Variants in ABAT observed in about 807,000 individuals in gnomAD.
The protein encoded by ABAT is 4-aminobutyrate aminotransferase.
Under a neutral mutation model 64.6 loss-of-function variants are expected in ABAT, and 45 were observed. That is an observed-to-expected ratio of 0.70 (90% confidence interval 0.55 to 0.89). The LOEUF is 0.89. Among genes scored for constraint, ABAT ranks in the 40% least tolerant of loss-of-function variants. The pLI is 0.00. For missense variants in ABAT, 633 were observed against 658.4 expected, an observed-to-expected ratio of 0.96 and a Z score of 0.42; for synonymous variants, 297 against 250.5, an observed-to-expected ratio of 1.19 and a Z score of -1.75.
At chr16:8,735,393 A>G (rs1443852174) in intron 1 of ABAT, among the ~76,000 whole-genome samples, 7 of 151,942 alleles carry the variant, frequency 4.6e-5, no homozygotes, top group Non-Finnish European at 1.0e-4. Flanking sequence ...CTGGGACTAT[A>G]GGCAGGCACC....
Position 8,738,598 on chromosome 16 carries a change from T to TTTTTTG in ABAT, c.70+2819_70+2824dup, listed in dbSNP as rs757851425. 191 of 377,716 alleles carry TTTTTTG rather than the reference T, an allele frequency of 5.1e-4. 11 individuals carry two copies. The highest frequency in any genetic ancestry group is 2.7e-3 in the African/African-American group (123 of 45,126). 23.4% of individuals were successfully genotyped at this position (377,716 alleles called of 1,614,324 possible). ...TTGAGGTTTTGCTTTTCCTTTTTTC[T>TTTTTTG]TTTTTGTTTTTGTTTTTGTTTTTGT... On this transcript the variant is annotated intron_variant, in intron 2 of 15. Transcript: ENST00000268251.
In ABAT at chr16:8,781,176, C is replaced by A; in HGVS notation, c.1382-133C>A. 1 of 1,453,068 alleles carries A rather than the reference C, an allele frequency of 6.9e-7. No individual in the cohort carries two copies. The allele number at this position is 1,453,068 out of a possible 1,614,324, so 90.0% of individuals were successfully genotyped here. A position where few individuals can be genotyped will look rare whatever the true frequency, so the allele number is the denominator to read the frequency against. ...GGTGGTAGGAAGGAAGCCCGGGCTT[C>A]CATGATGGAGGATGATGGATGGATG... On this transcript the variant is annotated intron_variant, in intron 15 of 15. Coordinates refer to ENST00000268251, the MANE Select transcript of ABAT (RefSeq NM_020686.6). The surrounding 1 kb of genome is among the most constrained non-coding windows in gnomAD (Gnocchi z 4.5).
chr16:8,765,528 G>C (rs566706730), intron 8 of ABAT, among the ~76,000 whole-genome samples: 2 of 151,512 alleles, frequency 1.3e-5, no homozygotes, highest in African/African-American at 4.9e-5. Flanking sequence ...AGCTGGGTGC[G>C]GTGGTGCCTG....
chr16:8,684,916 A>G (rs762311694), intron 1 of ABAT, among the ~76,000 whole-genome samples: 14 of 152,190 alleles, frequency 9.2e-5, no homozygotes, highest in Non-Finnish European at 1.6e-4. Flanking sequence ...AGAGGCAAAC[A>G]TGGTTGGACA....
At chr16:8,757,234 C>G (rs751884132) in intron 5 of ABAT, 43 of 447,276 alleles carry the variant, frequency 9.6e-5, no homozygotes, top group African/African-American at 2.2e-4. Context: ...GTGGCGTGAT[C>G]TCAACTCAAT....
At chr16:8,743,196 ATAAT>A (rs1420001799) in intron 2 of ABAT, among the ~76,000 whole-genome samples, 2 of 151,498 alleles carry the variant, frequency 1.3e-5, no homozygotes, top group Non-Finnish European at 2.9e-5. Context: ...ATGATGTTAC[ATAAT>A]TAATTCAGAA....
At chr16:8,747,904 G>T (rs974345403) in intron 3 of ABAT, among the ~76,000 whole-genome samples, 1 of 151,718 alleles carries the variant, frequency 6.6e-6, no homozygotes, top group Non-Finnish European at 1.5e-5. Context: ...CCTGTCTATC[G>T]TACTAGTAAT....
At chr16:8,724,941 G>A (rs1288699894) in intron 1 of ABAT, among the ~76,000 whole-genome samples, 2 of 147,492 alleles carry the variant, frequency 1.4e-5, no homozygotes, top group South Asian at 2.1e-4. Flanking sequence ...TTTTGAGATG[G>A]AGTCTCACTC....
intron 5 of ABAT, among the ~76,000 whole-genome samples, chr16:8,751,796 G>A (rs1044700486): frequency 4.6e-5 from 7 of 152,040 alleles, no homozygotes; most frequent in Admixed American, 6.6e-5. Flanking sequence ...TGCCCACAGC[G>A]TCTGCCTCCC....
At chr16:8,727,543 C>G (rs2058595035) in intron 1 of ABAT, among the ~76,000 whole-genome samples, 1 of 152,176 alleles carries the variant, frequency 6.6e-6, no homozygotes, top group Non-Finnish European at 1.5e-5. Flanking sequence ...TCACTCACAC[C>G]AGCAAAATAG....
chr16:8,719,990 T>A (rs1347132909), intron 1 of ABAT, among the ~76,000 whole-genome samples: 1 of 152,168 alleles, frequency 6.6e-6, no homozygotes, highest in Non-Finnish European at 1.5e-5. Flanking sequence ...TTCTGTATTT[T>A]TTTGTAGAGT....
intron 9 of ABAT, among the ~76,000 whole-genome samples, chr16:8,766,776 C>T (rs936035032): frequency 2.0e-5 from 3 of 152,188 alleles, no homozygotes; most frequent in African/African-American, 7.2e-5. Flanking sequence ...CCAGACCAGC[C>T]TGGCCAATAT....
rs1194666748 is a variant in ABAT at position 8,781,589 on chromosome 16, G to T, written c.*159G>T. 7.8e-6 allele frequency: 6 copies of T among 772,556 alleles called. No homozygotes were observed. Among genetic ancestry groups the T allele is most frequent in the East Asian group, 3.2e-5 (1 of 31,650 alleles). 47.9% of individuals were successfully genotyped at this position (772,556 alleles called of 1,614,324 possible). A position where few individuals can be genotyped will look rare whatever the true frequency, so the allele number is the denominator to read the frequency against. Reference sequence around the variant, plus strand: ...CATTTTTGGTGGTCTTGGGGGAGGGGAGGGGAGGGAAGGGCTGGTGTTGAT... The same window carrying T: ...CATTTTTGGTGGTCTTGGGGGAGGGTAGGGGAGGGAAGGGCTGGTGTTGAT... On this transcript the variant is annotated 3_prime_UTR_variant, in exon 16 of 16. Coordinates refer to ENST00000268251, the MANE Select transcript of ABAT (RefSeq NM_020686.6). This position sits in a 1 kb window ranked among gnomAD's most constrained non-coding sequence, Gnocchi z 4.5.
chr16:8,732,155 T>G (rs1193089481), intron 1 of ABAT, among the ~76,000 whole-genome samples: 1 of 151,478 alleles, frequency 6.6e-6, no homozygotes, highest in African/African-American at 2.4e-5. Context: ...GCCCAGACCC[T>G]CTATCTGTTT....
At chr16:8,737,949 A>AAAGGAAGAAAGGAAGG (rs2059005923) in intron 2 of ABAT, among the ~76,000 whole-genome samples, 2 of 23,688 alleles carry the variant, frequency 8.4e-5, no homozygotes, top group Non-Finnish European at 1.7e-4. Context: ...GGAAAGGAAG[A>AAAGGAAGAAAGGAAGG]AAGGAAGGAA....
intron 1 of ABAT, among the ~76,000 whole-genome samples, chr16:8,709,885 G>A (rs1731058): frequency 0.087 from 13,191 of 151,026 alleles, 763 homozygotes; most frequent in Middle Eastern, 0.19. Flanking sequence ...ACAGTGGCAC[G>A]GTAGCACAAT....
chr16:8,676,435 T>A (rs2057204536), intron 1 of ABAT, among the ~76,000 whole-genome samples: 1 of 151,820 alleles, frequency 6.6e-6, no homozygotes, highest in South Asian at 2.1e-4. Flanking sequence ...GACTGCTGGG[T>A]CCCAAGTCCC....
chr16:8,731,935 C>A (rs923043234), intron 1 of ABAT, among the ~76,000 whole-genome samples: 3 of 152,056 alleles, frequency 2.0e-5, no homozygotes, highest in Non-Finnish European at 2.9e-5. Flanking sequence ...CTCACTGTAA[C>A]CTCTGCCTCC....
chr16:8,713,661 C>T (rs1315309504), intron 1 of ABAT: 3 of 331,464 alleles, frequency 9.1e-6, no homozygotes, highest in Non-Finnish European at 1.8e-5. Context: ...TTCCAAGGGG[C>T]CCTTTTCTGT....
Sources: gnomAD v4.1 joint callset for allele counts (sites outside exome capture counted in the v4.1 genomes callset) on GRCh38, gnomAD v4.1.1 for gene constraint, Gnocchi (gnomAD v3.1) non-coding constraint, MANE v1.5 for transcripts, NCBI Gene and HGNC (gene_info 2026-07-23, HGNC 2026-07-21) for gene names.